ADGRL3: variants seen among roughly 807,000 people sequenced by gnomAD.
ADGRL3 encodes the protein calcium-independent alpha-latrotoxin receptor 3.
In ADGRL3, 62 loss-of-function variants were observed where a neutral mutation model predicts 153.5. The ratio of observed to expected loss-of-function variants is 0.40; its 90% CI spans 0.33 to 0.50. The LOEUF is 0.50. Among genes scored for constraint, ADGRL3 ranks in the 20% least tolerant of loss-of-function variants. The probability of loss-of-function intolerance (pLI) is 0.47; values close to 1 mark genes in which losing one functional copy is unlikely to be tolerated. For missense variants in ADGRL3, 1,641 were observed against 1,859.4 expected, an observed-to-expected ratio of 0.88 and a Z score of 2.16; for synonymous variants, 710 against 672.5, an observed-to-expected ratio of 1.06 and a Z score of -0.86.
intron 1 of ADGRL3, among the ~76,000 whole-genome samples, chr4:61,371,963 T>C (rs919463822): frequency 2.6e-5 from 4 of 152,256 alleles, no homozygotes; most frequent in South Asian, 4.1e-4. Context: ...CTTCCGTTCT[T>C]GCTTCATTTC....
intron 22 of ADGRL3, among the ~76,000 whole-genome samples, chr4:62,030,699 C>G (rs1721525480): frequency 1.3e-5 from 2 of 151,442 alleles, no homozygotes; most frequent in Admixed American, 6.6e-5. Context: ...AGTTTACAGA[C>G]ACTTCAAAAA....
At chr4:61,992,098 A>T (rs962741379) in intron 19 of ADGRL3, among the ~76,000 whole-genome samples, 3 of 151,988 alleles carry the variant, frequency 2.0e-5, no homozygotes, top group African/African-American at 7.2e-5. Context: ...CATATCTTAA[A>T]AATTAAATGT....
At chr4:61,960,238 C>T (rs551203721) in intron 17 of ADGRL3, among the ~76,000 whole-genome samples, 1 of 152,218 alleles carries the variant, frequency 6.6e-6, no homozygotes, top group South Asian at 2.1e-4. Context: ...TTATTGTTTA[C>T]TTCTTCCTCT....
At chr4:61,398,623 C>T (rs2096894806) in intron 2 of ADGRL3, among the ~76,000 whole-genome samples, 1 of 151,358 alleles carries the variant, frequency 6.6e-6, no homozygotes, top group South Asian at 2.1e-4. Context: ...CTGACCATTC[C>T]ATCCTTTTGG....
At chr4:61,226,366 G>A (rs980595463) in intron 1 of ADGRL3, among the ~76,000 whole-genome samples, 3 of 152,100 alleles carry the variant, frequency 2.0e-5, no homozygotes, top group Non-Finnish European at 4.4e-5. Context: ...ATAAATAATT[G>A]CAGTTTGCAG....
chr4:61,503,728 GTTA>G (rs551108128), intron 3 of ADGRL3, among the ~76,000 whole-genome samples: 12 of 151,888 alleles, frequency 7.9e-5, no homozygotes, highest in African/African-American at 2.7e-4. Context: ...TTCAAATATT[GTTA>G]TTAGTAAAAT....
At chr4:61,975,087 A>T (rs1267363331) in intron 17 of ADGRL3, among the ~76,000 whole-genome samples, 1 of 152,194 alleles carries the variant, frequency 6.6e-6, no homozygotes, top group Non-Finnish European at 1.5e-5. Context: ...GAAACAACTT[A>T]TTCTCTTAGA....
At chr4:61,759,299 T>A (rs1350999821) in intron 8 of ADGRL3, among the ~76,000 whole-genome samples, 1 of 152,224 alleles carries the variant, frequency 6.6e-6, no homozygotes, top group Non-Finnish European at 1.5e-5. Context: ...CCCATCACTT[T>A]CAGGTACACC....
chr4:61,479,207 G>T (rs2098103267), intron 2 of ADGRL3, among the ~76,000 whole-genome samples: 1 of 151,816 alleles, frequency 6.6e-6, no homozygotes, highest in Admixed American at 6.6e-5. Context: ...CTTCCAACCA[G>T]AATCTAAGTT....
chr4:61,912,619 G>A (rs1012033039), intron 12 of ADGRL3, 100 bp from the exon 13 acceptor site: 47 of 982,696 alleles, frequency 4.8e-5, no homozygotes, highest in Non-Finnish European at 6.7e-5. Flanking sequence ...GACAAAATAA[G>A]GTGTTTTGTG....
intron 8 of ADGRL3, among the ~76,000 whole-genome samples, chr4:61,763,839 C>G (rs1031178271): frequency 6.6e-6 from 1 of 151,996 alleles, no homozygotes; most frequent in Non-Finnish European, 1.5e-5. Flanking sequence ...TAGTATAATA[C>G]CAAACAAAGC....
intron 1 of ADGRL3, among the ~76,000 whole-genome samples, chr4:61,354,023 G>GA (rs1020544932): frequency 2.0e-5 from 3 of 151,654 alleles, no homozygotes; most frequent in Admixed American, 1.3e-4. Context: ...TTTCCTTTCA[G>GA]AAAAAAACAT....
At chr4:61,670,297 T>C (rs553464086) in intron 5 of ADGRL3, among the ~76,000 whole-genome samples, 1 of 151,588 alleles carries the variant, frequency 6.6e-6, no homozygotes, top group Admixed American at 6.6e-5. Flanking sequence ...CTCTCAAAAA[T>C]ATATATATAT....
At chr4:61,735,328 A>T (rs141303629) in intron 8 of ADGRL3, among the ~76,000 whole-genome samples, 30 of 152,358 alleles carry the variant, frequency 2.0e-4, no homozygotes, top group African/African-American at 7.0e-4. Context: ...ACAATCAGCA[A>T]TGCTGATATT....
intron 1 of ADGRL3, among the ~76,000 whole-genome samples, chr4:61,290,177 A>T (rs1015921376): frequency 1.1e-4 from 16 of 152,080 alleles, no homozygotes; most frequent in African/African-American, 3.9e-4. Flanking sequence ...GGATCATTGA[A>T]TTATGTTGAT....
At chr4:61,782,641 G>GT (rs776029702) in intron 8 of ADGRL3, among the ~76,000 whole-genome samples, 4 of 152,054 alleles carry the variant, frequency 2.6e-5, no homozygotes, top group Non-Finnish European at 4.4e-5. Context: ...TTTCACTGGT[G>GT]TTTTTTCCCT....
chr4:61,850,161 T>C lies in ADGRL3; in HGVS notation c.1480+36272T>C, dbSNP rs147755346. Reference sequence around the variant, plus strand: ...TCAATCTACATTTTCTAATATTTACTGAGCACATACCATGGGTATATGCAT... The same window carrying C: ...TCAATCTACATTTTCTAATATTTACCGAGCACATACCATGGGTATATGCAT... On this transcript the variant is annotated intron_variant, in intron 9 of 26. Coordinates refer to ENST00000683033, the MANE Select transcript of ADGRL3 (RefSeq NM_001387552.1). Among the ~76,000 whole-genome samples the C allele has an allele frequency of 6.6e-3, 1,003 of 152,258 alleles. 5 individuals carry two copies. The highest frequency in any genetic ancestry group is 0.021 in the African/African-American group (860 of 41,566).
At chr4:62,002,134 A>G (rs2099142596) in intron 21 of ADGRL3, among the ~76,000 whole-genome samples, 1 of 151,692 alleles carries the variant, frequency 6.6e-6, no homozygotes, top group African/African-American at 2.4e-5. Flanking sequence ...TTCACTGGCT[A>G]GAGAGATCTC....
chr4:61,306,264 AT>A (rs929760837), intron 1 of ADGRL3, among the ~76,000 whole-genome samples: 1 of 151,488 alleles, frequency 6.6e-6, no homozygotes, highest in African/African-American at 2.4e-5. Context: ...CGCCCGGCTA[AT>A]TTTTTTGTAT....
Sources: allele counts gnomAD v4.1 joint callset (sites outside exome capture counted in the v4.1 genomes callset), GRCh38; gene constraint gnomAD v4.1.1; transcripts MANE v1.5; gene names NCBI Gene and HGNC (gene_info 2026-07-23, HGNC 2026-07-21).